The following PAQR3 variants were observed in gnomAD, a reference collection of about 807,000 sequenced individuals.
PAQR3 encodes the protein Raf kinase trapping to Golgi.
A neutral mutation model predicts 41.7 loss-of-function variants in PAQR3; 39 were observed. The observed-to-expected ratio is 0.93, with a 90% CI of 0.72 to 1.22. The LOEUF (loss-of-function observed/expected upper bound fraction) is 1.22, where lower values mean the gene tolerates loss of function less well. Ranked by LOEUF, PAQR3 falls within the 50% of genes most tolerant of loss-of-function variation. The pLI, the probability that PAQR3 is intolerant of heterozygous loss-of-function variation, is 0.00. For synonymous variants in PAQR3, 140 were observed against 140.6 expected, an observed-to-expected ratio of 1.00 and a Z score of 0.03; for missense variants, 366 against 385.6, an observed-to-expected ratio of 0.95 and a Z score of 0.42.
chr4:78,921,341 A>C (rs1439985897), intron 5 of PAQR3, among the ~76,000 whole-genome samples: 3 of 151,970 alleles, frequency 2.0e-5, no homozygotes, highest in Non-Finnish European at 4.4e-5. Flanking sequence ...CTCTCAGTAA[A>C]TAAAATACAG....
At chr4:78,935,049 T>A (rs1171060150) in intron 2 of PAQR3, 72 bp downstream of exon 2, 1 of 1,461,348 alleles carries the variant, frequency 6.8e-7, no homozygotes, top group Non-Finnish European at 9.3e-7. Context: ...AGGTCTGAGG[T>A]AAGGTCACCT....
At chr4:78,894,364 C>G (rs948081558) in intron 11 of PAQR3, among the ~76,000 whole-genome samples, 1 of 152,176 alleles carries the variant, frequency 6.6e-6, no homozygotes, top group South Asian at 2.1e-4. Context: ...GTGTAGCCAC[C>G]TTCATCAGTG....
At chr4:78,938,554 A>G (rs1419094550) in intron 1 of PAQR3, among the ~76,000 whole-genome samples, 1 of 152,054 alleles carries the variant, frequency 6.6e-6, no homozygotes, top group Non-Finnish European at 1.5e-5. Context: ...AACAAGGGCC[A>G]TGTTTGCTTT....
chr4:78,931,681 G>A lies in PAQR3; in HGVS notation c.349-1356C>T, dbSNP rs529073223. On this transcript the variant is annotated intron_variant, in intron 2 of 5. Transcript: ENST00000512733. The stretch of plus-strand genomic sequence containing the variant: ...ACTCTGTGGAGGTACATGTGCATTT[G>A]GAGGGTGGGACTGGTGGGAAGAAAA... Among the ~76,000 whole-genome samples, 11 of 152,268 alleles carry A rather than the reference G, an allele frequency of 7.2e-5. No homozygotes were observed. The South Asian group carries it at 2.3e-3, about 32-fold the overall frequency.
In PAQR3 at chr4:78,939,247, C is replaced by G. The variant is rs976792937; in HGVS notation, c.-23G>C. 1 of 1,570,986 alleles carries G rather than the reference C, an allele frequency of 6.4e-7. No individual in the cohort carries two copies. Among genetic ancestry groups the G allele is most frequent in the Non-Finnish European group, 8.6e-7 (1 of 1,161,980 alleles). On this transcript the variant is annotated 5_prime_UTR_variant, in exon 1 of 6. Transcript: ENST00000512733. ...CATCGTTCCCGGCCGCCGCCGCTCC[C>G]CGGCTCGGGAGCTCCCCCAGGTCCC...
chr4:78,907,727 A>G (rs1438848152), downstream of PAQR3, among the ~76,000 whole-genome samples: 1 of 152,146 alleles, frequency 6.6e-6, no homozygotes, highest in East Asian at 1.9e-4. Context: ...AGAGTGCACC[A>G]TTTCATAGAC....
At chr4:78,931,380 G>C (rs1420145345) in intron 2 of PAQR3, among the ~76,000 whole-genome samples, 1 of 151,906 alleles carries the variant, frequency 6.6e-6, no homozygotes, top group Non-Finnish European at 1.5e-5. Flanking sequence ...CTAGGTGACA[G>C]AGTGAGATCC....
At chr4:78,910,002 G>A (rs746442539), downstream of PAQR3, among the ~76,000 whole-genome samples, 3 of 152,150 alleles carry the variant, frequency 2.0e-5, no homozygotes, top group Non-Finnish European at 4.4e-5. Flanking sequence ...TATAATTAAA[G>A]GAAGTCATAT....
intron 5 of PAQR3, among the ~76,000 whole-genome samples, chr4:78,920,898 A>G (rs1735597541): frequency 6.6e-6 from 1 of 151,870 alleles, no homozygotes; most frequent in Non-Finnish European, 1.5e-5. Flanking sequence ...AAACTTTAGA[A>G]ATGCTATTCC....
intron 2 of PAQR3, among the ~76,000 whole-genome samples, chr4:78,933,867 A>C (rs1737160512): frequency 6.6e-6 from 1 of 152,232 alleles, no homozygotes; most frequent in Non-Finnish European, 1.5e-5. Flanking sequence ...GAATAGGCCT[A>C]GGGATGGAGG....
In PAQR3 at chr4:78,914,281, C is replaced by A. The variant is rs1185450260; in HGVS notation, c.*6258G>T. On this transcript the variant is annotated 3_prime_UTR_variant, in exon 6 of 6. Coordinates refer to ENST00000512733, the MANE Select transcript of PAQR3 (RefSeq NM_001040202.2). ...TAAATGATTCTGACACTGATGTAGACCCTTTGACTTATAAATTCTGAGGAA... is the reference window on the plus strand; with the variant it reads ...TAAATGATTCTGACACTGATGTAGAACCTTTGACTTATAAATTCTGAGGAA... The A allele has an allele frequency of 6.6e-6, 1 of 151,984 alleles. No homozygotes were observed. The highest frequency in any genetic ancestry group is 6.6e-5 in the Admixed American group (1 of 15,242). 9.4% of individuals were successfully genotyped at this position (151,984 alleles called of 1,614,324 possible). A position where few individuals can be genotyped will look rare whatever the true frequency, so the allele number is the denominator to read the frequency against.
chr4:78,918,940 T>G lies in PAQR3; in HGVS notation c.*1599A>C. Reference sequence around the variant, plus strand: ...TAACATATGGATCAAAATTTTAACCTTATAAGGTAAAACAGCCATTTTCAA... The same window carrying G: ...TAACATATGGATCAAAATTTTAACCGTATAAGGTAAAACAGCCATTTTCAA... On this transcript the variant is annotated 3_prime_UTR_variant, in exon 6 of 6. Coordinates refer to ENST00000512733, the MANE Select transcript of PAQR3 (RefSeq NM_001040202.2). 1.0e-6 allele frequency: 1 copy of G among 985,102 alleles called. No individual in the cohort carries two copies. The highest frequency in any genetic ancestry group is 1.2e-6 in the Non-Finnish European group (1 of 829,740). 61.0% of individuals were successfully genotyped at this position (985,102 alleles called of 1,614,324 possible). A position where few individuals can be genotyped will look rare whatever the true frequency, so the allele number is the denominator to read the frequency against.
At chr4:78,890,566 T>C (rs910561558) in intron 11 of PAQR3, among the ~76,000 whole-genome samples, 3 of 152,218 alleles carry the variant, frequency 2.0e-5, no homozygotes, top group Non-Finnish European at 4.4e-5. Context: ...TTCCTGTCTT[T>C]GTTTTTCCTG....
chr4:78,893,156 G>A (rs1560549756), intron 11 of PAQR3, among the ~76,000 whole-genome samples: 1 of 152,090 alleles, frequency 6.6e-6, no homozygotes, highest in Non-Finnish European at 1.5e-5. Flanking sequence ...TAAATTCTTG[G>A]AGTCATTTCA....
At chr4:78,926,829 C>T in intron 3 of PAQR3, 111 bp from the exon 4 acceptor site, 1 of 922,664 alleles carries the variant, frequency 1.1e-6, no homozygotes, top group Non-Finnish European at 1.7e-6. Context: ...TTGGTATTTG[C>T]ATTTCAAAAT....
At chr4:78,933,282 T>C (rs10857059) in intron 2 of PAQR3, 373,753 of 455,970 alleles carry the variant, frequency 0.82, 154,034 homozygotes, top group East Asian at 0.91. Context: ...TGAATGTAAA[T>C]GGATCAAATC....
intron 11 of PAQR3, among the ~76,000 whole-genome samples, chr4:78,900,902 T>C (rs1344474716): frequency 6.6e-6 from 1 of 152,226 alleles, no homozygotes; most frequent in Admixed American, 6.5e-5. Context: ...TCATGAATTA[T>C]ATTTGCCTTT....
chr4:78,910,874 A>G (rs781375010), downstream of PAQR3: 1 of 1,614,006 alleles, frequency 6.2e-7, no homozygotes, highest in Non-Finnish European at 8.5e-7. Flanking sequence ...AATGATGATG[A>G]TACTGAACCA....
chr4:78,900,225 G>T (rs2110093279), intron 11 of PAQR3, among the ~76,000 whole-genome samples: 1 of 152,236 alleles, frequency 6.6e-6, no homozygotes, highest in Admixed American at 6.5e-5. Context: ...TTCTCTTTAA[G>T]AATACAGTGT....
Sources: gnomAD v4.1 joint callset for allele counts (sites outside exome capture counted in the v4.1 genomes callset) on GRCh38, gnomAD v4.1.1 for gene constraint, MANE v1.5 for transcripts, NCBI Gene and HGNC (gene_info 2026-07-23, HGNC 2026-07-21) for gene names.